MGST1: variants seen among roughly 807,000 people sequenced by gnomAD.
MGST1 encodes the protein glutathione S-transferase 12.
Under a neutral mutation model 8.9 loss-of-function variants are expected in MGST1, and 5 were observed. That is an observed-to-expected ratio of 0.56 (90% CI 0.29 to 1.19). MGST1 has a LOEUF of 1.19. MGST1 is among the 50% of genes most tolerant of loss of function. The pLI, the probability that MGST1 is intolerant of heterozygous loss-of-function variation, is 0.08. For missense variants in MGST1, 182 were observed against 187.4 expected (o/e 0.97, Z 0.17); for synonymous variants, 54 against 67.8 (o/e 0.80, Z 1.00).
intron 4 of MGST1, among the ~76,000 whole-genome samples, chr12:16,531,780 G>A (rs927439287): frequency 2.0e-5 from 3 of 152,106 alleles, no homozygotes; most frequent in African/African-American, 4.8e-5. Context: ...TTCTTTGTGC[G>A]GTATTGTTTC....
At chr12:16,549,179 A>C (rs371341050) in intron 4 of MGST1, 1 of 152,120 alleles carries the variant, frequency 6.6e-6, no homozygotes, top group East Asian at 1.9e-4. Flanking sequence ...TCTCTCCCCC[A>C]CATATTTTTA....
At chr12:16,514,360 C>T in intron 4 of MGST1, 1 of 308,852 alleles carries the variant, frequency 3.2e-6, no homozygotes, top group East Asian at 9.9e-5. Flanking sequence ...CCGTTTGCTT[C>T]TACCATTCTG....
intron 1 of MGST1, among the ~76,000 whole-genome samples, chr12:16,411,975 A>T (rs1212517216): frequency 6.6e-6 from 1 of 152,178 alleles, no homozygotes; most frequent in Non-Finnish European, 1.5e-5. Flanking sequence ...TGTTGTAAGG[A>T]TAACAAGAGT....
chr12:16,455,366 T>C (rs1027766860), intron 4 of MGST1, among the ~76,000 whole-genome samples: 2 of 151,848 alleles, frequency 1.3e-5, no homozygotes, highest in Non-Finnish European at 2.9e-5. Flanking sequence ...AGGGGCCCAC[T>C]GGATTATTAG....
At chr12:16,538,795 A>T (rs984943183) in intron 4 of MGST1, among the ~76,000 whole-genome samples, 1 of 152,088 alleles carries the variant, frequency 6.6e-6, no homozygotes, top group African/African-American at 2.4e-5. Context: ...TTTTTAGTAG[A>T]GACGGGGTTT....
At chr12:16,433,634 C>G (rs1435418201) in intron 1 of MGST1, among the ~76,000 whole-genome samples, 1 of 152,056 alleles carries the variant, frequency 6.6e-6, no homozygotes, top group Non-Finnish European at 1.5e-5. Context: ...TTTACTCAGT[C>G]AATACACTTA....
At chr12:16,563,080 C>G (rs552065558) in intron 4 of MGST1, among the ~76,000 whole-genome samples, 1 of 152,310 alleles carries the variant, frequency 6.6e-6, no homozygotes, top group Admixed American at 6.5e-5. Context: ...GAGGCTCCAT[C>G]AGTTTCCATC....
At chr12:16,478,980 C>T (rs1242560626) in intron 4 of MGST1, among the ~76,000 whole-genome samples, 2 of 152,068 alleles carry the variant, frequency 1.3e-5, no homozygotes, top group Non-Finnish European at 2.9e-5. Flanking sequence ...CCCCTAGACC[C>T]TGGCAAGCAC....
At chr12:16,486,598 A>G (rs1941400205) in intron 4 of MGST1, among the ~76,000 whole-genome samples, 1 of 152,228 alleles carries the variant, frequency 6.6e-6, no homozygotes, top group Admixed American at 6.5e-5. Context: ...AAGAAATAGA[A>G]AATCCAAGAG....
chr12:16,371,269 A>G (rs1940288437), intron 3 of MGST1, among the ~76,000 whole-genome samples: 1 of 152,130 alleles, frequency 6.6e-6, no homozygotes, highest in Non-Finnish European at 1.5e-5. Flanking sequence ...CCAAATGTGT[A>G]CAGATAAAAT....
At chr12:16,502,372 G>T (rs921149521) in intron 4 of MGST1, among the ~76,000 whole-genome samples, 1 of 152,268 alleles carries the variant, frequency 6.6e-6, no homozygotes, top group African/African-American at 2.4e-5. Flanking sequence ...GTGCAATTGT[G>T]TGGGATTATA....
At chr12:16,419,423 T>C (rs1940814668) in intron 1 of MGST1, among the ~76,000 whole-genome samples, 1 of 152,096 alleles carries the variant, frequency 6.6e-6, no homozygotes, top group East Asian at 1.9e-4. Context: ...GGTCTGTCCT[T>C]CTTGGGGGAA....
rs1302888681 is a variant in MGST1 at position 16,402,392 on chromosome 12, T to C, written n.778+18788T>C. On this transcript the variant is annotated intron_variant and non_coding_transcript_variant, in intron 1 of 1. Transcript: ENST00000359720. ...GTACAGTCTCTTCACTCACCGATAATAAGCGTCTTTGTCCAGAGTCACAGC... is the reference window on the plus strand; with the variant it reads ...GTACAGTCTCTTCACTCACCGATAACAAGCGTCTTTGTCCAGAGTCACAGC... 5 of 1,604,598 alleles carry C rather than the reference T, an allele frequency of 3.1e-6. No homozygotes were observed. In the East Asian group the frequency reaches 1.1e-4, roughly 36 times the overall value.
chr12:16,459,334 C>T (rs189258009), intron 4 of MGST1, among the ~76,000 whole-genome samples: 15 of 152,046 alleles, frequency 9.9e-5, no homozygotes, highest in Middle Eastern at 3.4e-3. Context: ...AAATGACCTA[C>T]GGCATGGATT....
At chr12:16,396,597 A>C (rs2137058311) in intron 1 of MGST1, among the ~76,000 whole-genome samples, 1 of 152,316 alleles carries the variant, frequency 6.6e-6, no homozygotes, top group East Asian at 1.9e-4. Flanking sequence ...GTTTCAGGAC[A>C]CAAAATTAAT....
rs71054820 is a variant in MGST1, at chr12:16,479,535, C to CTTT, written n.482+95945_482+95947dup. 1.9e-3 allele frequency among the ~76,000 whole-genome samples: 214 copies of CTTT among 113,096 alleles called. 11 individuals are homozygous for CTTT. The highest frequency in any genetic ancestry group is 0.011 in the East Asian group (45 of 3,920). 74.2% of individuals were successfully genotyped at this position (113,096 alleles called of 152,430 possible). On this transcript the variant is annotated intron_variant and non_coding_transcript_variant, in intron 4 of 4. Transcript: ENST00000538857. ...AGGCGTGAGCCACTGCGCCCGGCCTCTTTTTTTTTTTTTTTTGAGACAGGG... is the reference window on the plus strand; with the variant it reads ...AGGCGTGAGCCACTGCGCCCGGCCTCTTTTTTTTTTTTTTTTTTTGAGACAGGG...
At chr12:16,371,337 G>A (rs1940289487) in intron 3 of MGST1, among the ~76,000 whole-genome samples, 1 of 152,110 alleles carries the variant, frequency 6.6e-6, no homozygotes, top group African/African-American at 2.4e-5. Context: ...GGACTCATAT[G>A]TGCCCAGCAC....
chr12:16,398,203 T>G (rs1591717149), intron 1 of MGST1, among the ~76,000 whole-genome samples: 1 of 151,956 alleles, frequency 6.6e-6, no homozygotes, highest in South Asian at 2.1e-4. Context: ...CCGAGACCCC[T>G]CCCCACTTCT....
chr12:16,392,690 T>C (rs1402364724), intron 1 of MGST1, among the ~76,000 whole-genome samples: 2 of 152,214 alleles, frequency 1.3e-5, no homozygotes, highest in Non-Finnish European at 2.9e-5. Context: ...TCTAGTCATT[T>C]TGGAATACGG....
Sources: allele counts gnomAD v4.1 joint callset (sites outside exome capture counted in the v4.1 genomes callset), GRCh38; gene constraint gnomAD v4.1.1; transcripts MANE v1.5; gene names NCBI Gene and HGNC (gene_info 2026-07-23, HGNC 2026-07-21).